The following ULK4 variants were observed in gnomAD, a reference collection of about 807,000 sequenced individuals.
The protein encoded by ULK4 is inactive serine/threonine-protein kinase ULK4.
In ULK4, 133 loss-of-function variants were observed where a neutral mutation model predicts 160.6. The observed-to-expected ratio is 0.83, with a 90% CI of 0.72 to 0.96. ULK4 has a LOEUF of 0.96. Among genes scored for constraint, ULK4 ranks in the 40% least tolerant of loss-of-function variants. ULK4 has a pLI of 0.00. For missense variants in ULK4, 1,580 were observed against 1,499.5 expected, an observed-to-expected ratio of 1.05 and a Z score of -0.89; for synonymous variants, 534 against 539.8, an observed-to-expected ratio of 0.99 and a Z score of 0.15.
At position 41,732,802 on chromosome 3, in the gene ULK4, G is replaced by A. The variant is rs116048456; in HGVS notation, c.2322-14941C>T. Among the ~76,000 whole-genome samples, 386 of 152,228 alleles carry A rather than the reference G, an allele frequency of 2.5e-3. 2 individuals carry two copies. The highest frequency in any genetic ancestry group is 8.3e-3 in the African/African-American group (343 of 41,548). ...AATAATATTCAACCATAAAAAGAAT[G>A]AAATCTTGTCATTTGCAATAACATG... On this transcript the variant is annotated intron_variant, in intron 22 of 36. Transcript: ENST00000301831.
chr3:41,320,020 T>C (rs2080218320), intron 35 of ULK4, among the ~76,000 whole-genome samples: 1 of 152,264 alleles, frequency 6.6e-6, no homozygotes, highest in Non-Finnish European at 1.5e-5. Flanking sequence ...ATATTTTAAA[T>C]ATGTTTAAGG....
chr3:41,883,043 CAGCAG>C (rs1697580424), intron 17 of ULK4, among the ~76,000 whole-genome samples: 1 of 152,086 alleles, frequency 6.6e-6, no homozygotes, highest in East Asian at 1.9e-4. Context: ...CTCAGAGATC[CAGCAG>C]TTTGCAGGAA....
intron 17 of ULK4, among the ~76,000 whole-genome samples, chr3:41,844,620 A>C (rs975173353): frequency 6.6e-6 from 1 of 152,204 alleles, no homozygotes; most frequent in Admixed American, 6.5e-5. Flanking sequence ...CCCACAGTGC[A>C]GCAGCAGGCT....
intron 30 of ULK4, among the ~76,000 whole-genome samples, chr3:41,635,432 TTATA>T (rs1245900512): frequency 2.0e-5 from 3 of 151,976 alleles, no homozygotes; most frequent in Admixed American, 6.6e-5. Flanking sequence ...CTGTACATAT[TTATA>T]TAAATATATA....
intron 32 of ULK4, among the ~76,000 whole-genome samples, chr3:41,510,457 TAAA>T (rs2085532242): frequency 6.6e-6 from 1 of 152,158 alleles, no homozygotes; most frequent in Non-Finnish European, 1.5e-5. Context: ...ACAATGGACT[TAAA>T]CTATACCCTA....
intron 34 of ULK4, among the ~76,000 whole-genome samples, chr3:41,412,849 C>T (rs769742784): frequency 2.0e-5 from 3 of 152,140 alleles, no homozygotes; most frequent in Non-Finnish European, 2.9e-5. Context: ...GCATGAACCA[C>T]TGTGCCTGGC....
At chr3:41,867,558 C>T (rs1475727567) in intron 17 of ULK4, among the ~76,000 whole-genome samples, 9 of 152,176 alleles carry the variant, frequency 5.9e-5, no homozygotes, top group Admixed American at 5.2e-4. Flanking sequence ...TTTCAGTAGA[C>T]AGGGTTTCTA....
At chr3:41,648,365 A>T (rs1575526776) in intron 30 of ULK4, among the ~76,000 whole-genome samples, 2 of 150,694 alleles carry the variant, frequency 1.3e-5, no homozygotes, top group Admixed American at 6.6e-5. Context: ...TTTACTCTTT[A>T]TCTTAAAGTA....
At chr3:41,699,634 C>T (rs1368475042) in intron 27 of ULK4, among the ~76,000 whole-genome samples, 1 of 152,194 alleles carries the variant, frequency 6.6e-6, no homozygotes, top group Non-Finnish European at 1.5e-5. Context: ...AGAGCTCGTG[C>T]TCAGCAAGAA....
At chr3:41,380,691 C>A (rs944929898) in intron 35 of ULK4, among the ~76,000 whole-genome samples, 16 of 152,096 alleles carry the variant, frequency 1.1e-4, no homozygotes, top group African/African-American at 3.9e-4. Context: ...CCATGTAAAG[C>A]CCAGGCCCCC....
At chr3:41,475,091 G>A (rs767460213) in intron 32 of ULK4, among the ~76,000 whole-genome samples, 9 of 152,086 alleles carry the variant, frequency 5.9e-5, no homozygotes, top group African/African-American at 1.2e-4. Context: ...ACTCAATCTA[G>A]GTGTCCATCA....
intron 29 of ULK4, among the ~76,000 whole-genome samples, chr3:41,677,667 T>C (rs561753188): frequency 1.1e-4 from 17 of 152,258 alleles, no homozygotes; most frequent in Admixed American, 9.2e-4. Flanking sequence ...AGCTTGCACA[T>C]GAGAAAGGAT....
chr3:41,318,147 A>T (rs2080180085), intron 35 of ULK4, among the ~76,000 whole-genome samples: 1 of 151,860 alleles, frequency 6.6e-6, no homozygotes, highest in Admixed American at 6.6e-5. Flanking sequence ...TTAAAAAAAA[A>T]TAAGATAGAA....
intron 11 of ULK4, among the ~76,000 whole-genome samples, chr3:41,908,651 G>A (rs1281848743): frequency 2.0e-5 from 3 of 151,848 alleles, no homozygotes; most frequent in Non-Finnish European, 4.4e-5. Flanking sequence ...TCACCATCTT[G>A]ACCAGGCTGG....
intron 30 of ULK4, among the ~76,000 whole-genome samples, chr3:41,646,514 A>T (rs1010378876): frequency 6.6e-6 from 1 of 152,166 alleles, no homozygotes. Flanking sequence ...AATGTTGAAT[A>T]TTGGCTCCCA....
intron 31 of ULK4, among the ~76,000 whole-genome samples, chr3:41,593,559 T>C (rs534724891): frequency 2.9e-4 from 44 of 152,228 alleles, no homozygotes; most frequent in Non-Finnish European, 2.1e-4. Flanking sequence ...TTGATAGTTA[T>C]ATTTACATCA....
At chr3:41,462,151 C>A (rs1479525838) in intron 33 of ULK4, among the ~76,000 whole-genome samples, 2 of 152,142 alleles carry the variant, frequency 1.3e-5, no homozygotes, top group Non-Finnish European at 2.9e-5. Context: ...AAGCTAAATA[C>A]TTGACCAGCT....
intron 19 of ULK4, among the ~76,000 whole-genome samples, chr3:41,815,822 A>G (rs2040946117): frequency 1.3e-5 from 2 of 152,232 alleles, no homozygotes; most frequent in Admixed American, 1.3e-4. Context: ...AGATAATTAC[A>G]AATAGATTAA....
chr3:41,339,428 G>C (rs1214774896), intron 35 of ULK4, among the ~76,000 whole-genome samples: 1 of 152,142 alleles, frequency 6.6e-6, no homozygotes, highest in East Asian at 1.9e-4. Context: ...GATGAATCCA[G>C]CACTCCCTGT....
Sources: gnomAD v4.1 joint callset for allele counts (sites outside exome capture counted in the v4.1 genomes callset) on GRCh38, gnomAD v4.1.1 for gene constraint, MANE v1.5 for transcripts, NCBI Gene and HGNC (gene_info 2026-07-23, HGNC 2026-07-21) for gene names.